The following SOAT1 variants were observed in gnomAD, a reference collection of about 807,000 sequenced individuals.
SOAT1 encodes sterol O-acyltransferase 1.
A neutral mutation model predicts 69.5 loss-of-function variants in SOAT1; 55 were observed. The ratio of observed to expected loss-of-function variants is 0.79; its 90% confidence interval spans 0.64 to 0.99. The LOEUF (loss-of-function observed/expected upper bound fraction) is 0.99, where lower values mean the gene tolerates loss of function less well. Among genes scored for constraint, SOAT1 ranks in the 50% least tolerant of loss-of-function variants. SOAT1 has a pLI of 0.00. For synonymous variants in SOAT1, 231 were observed against 224.7 expected (o/e 1.03, Z -0.25); for missense variants, 580 against 669.3 (o/e 0.87, Z 1.47).
At chr1:179,342,283 C>T in intron 8 of SOAT1, 91 bp downstream of exon 8, 1 of 677,288 alleles carries the variant, frequency 1.5e-6, no homozygotes, top group East Asian at 3.2e-5. Context: ...TTCTTTCCTT[C>T]TTTCCTTCCC....
At chr1:179,305,830 A>T (rs1664983135) in intron 2 of SOAT1, among the ~76,000 whole-genome samples, 1 of 152,172 alleles carries the variant, frequency 6.6e-6, no homozygotes, top group African/African-American at 2.4e-5. Flanking sequence ...AAGATAGGGT[A>T]CCAGGTTTGT....
intron 2 of SOAT1, among the ~76,000 whole-genome samples, chr1:179,306,362 A>G (rs537396758): frequency 6.6e-6 from 1 of 152,286 alleles, no homozygotes; most frequent in Admixed American, 6.5e-5. Context: ...AAAGGACTTG[A>G]TATGAAGCAT....
intron 2 of SOAT1, among the ~76,000 whole-genome samples, chr1:179,303,528 G>A (rs1664905127): frequency 1.3e-5 from 2 of 152,136 alleles, no homozygotes; most frequent in South Asian, 2.1e-4. Flanking sequence ...AAATAGGTGC[G>A]GAACCTTCTG....
At chr1:179,340,069 C>T (rs1301797823) in intron 6 of SOAT1, among the ~76,000 whole-genome samples, 2 of 152,058 alleles carry the variant, frequency 1.3e-5, no homozygotes, top group South Asian at 2.1e-4. Flanking sequence ...GAACCAACCC[C>T]CCATGTATAG....
intron 1 of SOAT1, among the ~76,000 whole-genome samples, chr1:179,298,624 G>C (rs548927574): frequency 6.6e-6 from 1 of 152,232 alleles, no homozygotes; most frequent in Admixed American, 6.5e-5. Flanking sequence ...TTGCCACCAC[G>C]CCGGGCTAAA....
At chr1:179,341,388 T>C in intron 7 of SOAT1, 78 bp downstream of exon 7, 6 of 1,364,580 alleles carry the variant, frequency 4.4e-6, no homozygotes, top group Non-Finnish European at 6.1e-6. Flanking sequence ...ACTGATACTA[T>C]TATTTTTAGC....
intron 4 of SOAT1, among the ~76,000 whole-genome samples, chr1:179,336,951 C>T (rs61824371): frequency 0.23 from 34,266 of 150,570 alleles, 4,696 homozygotes; most frequent in East Asian, 0.39. Flanking sequence ...GCTGAGATCA[C>T]GCCACTGCAC....
intron 13 of SOAT1, among the ~76,000 whole-genome samples, chr1:179,349,151 C>T (rs1382393301): frequency 1.3e-5 from 2 of 152,082 alleles, no homozygotes; most frequent in East Asian, 3.9e-4. Context: ...ACTAGTAGGT[C>T]TAATACTGTG....
At position 179,353,715 on chromosome 1, in the gene SOAT1, T is replaced by A; in HGVS notation, c.*74T>A. The A allele has an allele frequency of 4.0e-6, 5 of 1,255,984 alleles. No individual in the cohort carries two copies. 77.8% of individuals were successfully genotyped at this position (1,255,984 alleles called of 1,614,324 possible). A position where few individuals can be genotyped will look rare whatever the true frequency, so the allele number is the denominator to read the frequency against. On this transcript the variant is annotated 3_prime_UTR_variant, in exon 16 of 16. Transcript: ENST00000367619. Reference sequence around the variant, plus strand: ...TGATTTGGAGCCAGCTGTTTCCAGTTGTTACTGAAGTTATCTGTGTTATTT... The same window carrying A: ...TGATTTGGAGCCAGCTGTTTCCAGTAGTTACTGAAGTTATCTGTGTTATTT...
chr1:179,336,852 G>A (rs999971484), intron 4 of SOAT1, among the ~76,000 whole-genome samples: 6 of 152,004 alleles, frequency 3.9e-5, no homozygotes, highest in African/African-American at 1.5e-4. Context: ...AAAATTAGCC[G>A]GGTGCCATGG....
chr1:179,297,160 A>G (rs1664677295), intron 1 of SOAT1, among the ~76,000 whole-genome samples: 2 of 152,326 alleles, frequency 1.3e-5, no homozygotes, highest in Non-Finnish European at 2.9e-5. Context: ...CCTAAACGCT[A>G]GAGATTCCTT....
chr1:179,342,316 T>C, intron 8 of SOAT1, 124 bp downstream of exon 8: 1 of 577,596 alleles, frequency 1.7e-6, no homozygotes, highest in Non-Finnish European at 3.0e-6. Flanking sequence ...TCTTTTTCTC[T>C]TTCTCTTTCT....
At position 179,298,783 on chromosome 1, in the gene SOAT1, G is replaced by A. The variant is rs1310755035; in HGVS notation, c.-8-3894G>A. On this transcript the variant is annotated intron_variant, in intron 1 of 15. Coordinates refer to ENST00000367619, the MANE Select transcript of SOAT1 (RefSeq NM_003101.6). ...TAATTTATTGAATACTATACTGAAA[G>A]TGAAAAACAGAATAGTTGTATGAGT... 9.2e-5 allele frequency among the ~76,000 whole-genome samples: 14 copies of A among 152,276 alleles called. No homozygotes were observed. In the East Asian group the frequency reaches 2.3e-3, roughly 25 times the overall value.
At chr1:179,313,595 T>TGTATA (rs200045307) in intron 2 of SOAT1, among the ~76,000 whole-genome samples, 1 of 151,218 alleles carries the variant, frequency 6.6e-6, no homozygotes, top group Admixed American at 6.6e-5. Flanking sequence ...TATATATATA[T>TGTATA]TTTTTTTAGA....
chr1:179,342,190 C>A lies in SOAT1; in HGVS notation c.857C>A (p.Ser286Ter). The A allele has an allele frequency of 6.2e-7, 1 of 1,609,222 alleles. No individual in the cohort carries two copies. The highest frequency in any genetic ancestry group is 8.5e-7 in the Non-Finnish European group (1 of 1,176,450). The change falls in exon 8 of 16, where the codon TCA (serine) becomes TAA (stop). Residue 286 changes from serine to a stop codon, truncating the protein, a stop_gained and splice_region_variant. Transcript: ENST00000367619. LOFTEE classifies it high-confidence loss of function. ...PRVLNSAKEKSSTVPIPTVNQ... is the reference protein window; with the variant it reads ...PRVLNSAKEK ...GTACTAAATTCAGCTAAGGAGAAAT[C>A]AAGTATGTAATTTCTTTTGTTCATT...
chr1:179,296,038 C>T (rs1269550451), intron 1 of SOAT1, among the ~76,000 whole-genome samples: 1 of 127,346 alleles, frequency 7.9e-6, no homozygotes. Context: ...TCAGGCTGGT[C>T]TCGAACTTCC....
intron 1 of SOAT1, among the ~76,000 whole-genome samples, chr1:179,302,017 A>G (rs1664845737): frequency 7.7e-6 from 1 of 130,008 alleles, no homozygotes; most frequent in Non-Finnish European, 1.6e-5. Context: ...ACCTGTTACT[A>G]TTTAATCCTT....
intron 13 of SOAT1, 24 bp from the exon 14 acceptor site, chr1:179,350,272 T>G: frequency 6.2e-7 from 1 of 1,602,900 alleles, no homozygotes; most frequent in Non-Finnish European, 8.5e-7. Flanking sequence ...AAAATTACTT[T>G]GTAGTGTTTT....
At chr1:179,314,967 C>T (rs745793869) in intron 2 of SOAT1, among the ~76,000 whole-genome samples, 21 of 151,870 alleles carry the variant, frequency 1.4e-4, no homozygotes, top group African/African-American at 1.9e-4. Context: ...TGGACTTATG[C>T]GGGGTTCTAT....
Sources: gnomAD v4.1 joint callset for allele counts (sites outside exome capture counted in the v4.1 genomes callset) on GRCh38, gnomAD v4.1.1 for gene constraint, MANE v1.5 for transcripts, NCBI Gene and HGNC (gene_info 2026-07-23, HGNC 2026-07-21) for gene names.